CHEK2: variants seen among roughly 807,000 people sequenced by gnomAD.
CHEK2 encodes the protein serine/threonine-protein kinase Chk2.
In CHEK2, 71 loss-of-function variants were observed where a neutral mutation model predicts 69.1. That is an observed-to-expected ratio of 1.03 (90% CI 0.85 to 1.25). The LOEUF (loss-of-function observed/expected upper bound fraction) is 1.25, where lower values mean the gene tolerates loss of function less well. Ranked by LOEUF, CHEK2 falls within the 50% of genes most tolerant of loss-of-function variation. The pLI is 0.00. For synonymous variants in CHEK2, 189 were observed against 226.9 expected (o/e 0.83, Z 1.50); for missense variants, 664 against 649.6 (o/e 1.02, Z -0.24).
intron 4 of CHEK2, among the ~76,000 whole-genome samples, chr22:28,722,539 C>CAAAA (rs755107963): frequency 5.1e-3 from 342 of 67,364 alleles, no homozygotes; most frequent in African/African-American, 5.7e-3. Context: ...GACTCCGTCT[C>CAAAA]AAAAAAAAAA....
Position 28,734,470 on chromosome 22 carries a change from T to C in CHEK2, c.252A>G (p.Glu84=), listed in dbSNP as rs1805129. The C allele has an allele frequency of 0.03, 48,224 of 1,612,750 alleles. 1,029 individuals carry two copies. The highest frequency in any genetic ancestry group is 0.067 in the African/African-American group (4,994 of 74,688). The change falls in exon 2 of 15, where the codon GAA becomes GAG. Residue 84 remains glutamate, a synonymous_variant. Transcript: ENST00000404276. ...AGGGGGCAGGGGTAGGCTCCTCAGG[T>C]TCTTGGTCCTCAGGTTCTTGGTCCT... ...IPEDQEPEDQ[E]PEEPTPAPWA...
At chr22:28,696,216 G>A (rs546849451) in intron 10 of CHEK2, among the ~76,000 whole-genome samples, 16 of 152,224 alleles carry the variant, frequency 1.1e-4, no homozygotes, top group South Asian at 4.1e-4. Context: ...ACTTGGCTGC[G>A]CTATGGAATA....
chr22:28,738,755 C>T (rs1008871670), intron 1 of CHEK2, among the ~76,000 whole-genome samples: 2 of 152,054 alleles, frequency 1.3e-5, no homozygotes, highest in Non-Finnish European at 2.9e-5. Context: ...AGGGTTTTTA[C>T]GTAAGACCTC....
intron 4 of CHEK2, among the ~76,000 whole-genome samples, chr22:28,720,537 G>T (rs1661364473): frequency 6.6e-6 from 1 of 152,156 alleles, no homozygotes; most frequent in Non-Finnish European, 1.5e-5. Flanking sequence ...TGATAAATTT[G>T]CAATTGCCTA....
chr22:28,703,732 T>C (rs1394099615), intron 7 of CHEK2, among the ~76,000 whole-genome samples, 166 bp from the exon 8 acceptor site: 2 of 152,176 alleles, frequency 1.3e-5, no homozygotes, highest in African/African-American at 4.8e-5. Flanking sequence ...AGACAGAATC[T>C]AGCCAACTCC....
intron 2 of CHEK2, among the ~76,000 whole-genome samples, chr22:28,733,965 A>G (rs1312854733): frequency 2.0e-5 from 3 of 152,006 alleles, no homozygotes. Flanking sequence ...ACAAAAAAGG[A>G]AGAATTTGCA....
chr22:28,718,933 A>T (rs1019682527), intron 5 of CHEK2, among the ~76,000 whole-genome samples: 9 of 151,010 alleles, frequency 6.0e-5, no homozygotes, highest in Admixed American at 2.7e-4. Flanking sequence ...GGAAATAAAA[A>T]AAGAAATATT....
intron 7 of CHEK2, among the ~76,000 whole-genome samples, chr22:28,706,023 G>A (rs2053125574): frequency 6.6e-6 from 1 of 150,834 alleles, no homozygotes; most frequent in South Asian, 2.1e-4. Flanking sequence ...GCCAGGCACA[G>A]TGGCTCACGC....
At chr22:28,703,696 T>C in intron 7 of CHEK2, 130 bp from the exon 8 acceptor site, 2 of 667,012 alleles carry the variant, frequency 3.0e-6, no homozygotes, top group South Asian at 1.8e-5. Flanking sequence ...CCTCAGAGGC[T>C]TGGAAGTTCA....
At chr22:28,697,917 G>A (rs1485464567) in intron 9 of CHEK2, among the ~76,000 whole-genome samples, 3 of 151,328 alleles carry the variant, frequency 2.0e-5, no homozygotes, top group Non-Finnish European at 2.9e-5. Context: ...TCCACAAACT[G>A]TACTCAATTC....
At chr22:28,698,228 T>TA (rs398040472) in intron 9 of CHEK2, among the ~76,000 whole-genome samples, 11,828 of 81,860 alleles carry the variant, frequency 0.14, 1,357 homozygotes, top group African/African-American at 0.25. Flanking sequence ...CTATCTTTAC[T>TA]AAAAAAAAAA....
chr22:28,689,569 C>T (rs2052270853), intron 13 of CHEK2, among the ~76,000 whole-genome samples: 1 of 152,108 alleles, frequency 6.6e-6, no homozygotes, highest in Non-Finnish European at 1.5e-5. Flanking sequence ...CCGTGCAGCT[C>T]CTCAAATCCT....
At chr22:28,712,076 C>CT (rs1293646317) in intron 5 of CHEK2, 59 bp from the exon 6 acceptor site, 6 of 1,134,000 alleles carry the variant, frequency 5.3e-6, no homozygotes, top group Non-Finnish European at 6.6e-6. Flanking sequence ...AGACCTACCA[C>CT]TCCTGGGTCC....
intron 9 of CHEK2, among the ~76,000 whole-genome samples, chr22:28,699,113 T>C (rs2052712211): frequency 6.6e-6 from 1 of 151,950 alleles, no homozygotes; most frequent in Non-Finnish European, 1.5e-5. Context: ...CAAGCCGTCC[T>C]CCCAACTCAG....
At chr22:28,721,576 C>A in intron 4 of CHEK2, 1 of 454,892 alleles carries the variant, frequency 2.2e-6, no homozygotes, top group Non-Finnish European at 4.5e-6. Context: ...CGTGAGCCAC[C>A]GCGCCCCGCC....
intron 2 of CHEK2, among the ~76,000 whole-genome samples, chr22:28,731,233 T>A (rs1261272394): frequency 6.6e-6 from 1 of 150,534 alleles, no homozygotes; most frequent in South Asian, 2.1e-4. Context: ...CAAACAAAAA[T>A]TTAAAAAAAG....
intron 2 of CHEK2, chr22:28,728,124 T>C (rs1400598410): frequency 6.6e-6 from 1 of 152,000 alleles, no homozygotes; most frequent in African/African-American, 2.4e-5. Flanking sequence ...ACCCTATCTC[T>C]AGAAAGAAAA....
intron 2 of CHEK2, among the ~76,000 whole-genome samples, chr22:28,726,776 C>G (rs2054027040): frequency 7.0e-6 from 1 of 143,052 alleles, no homozygotes; most frequent in Non-Finnish European, 1.5e-5. Flanking sequence ...AGCATAAAAT[C>G]TGCACTCTTC....
At chr22:28,722,504 C>A (rs1363496470) in intron 4 of CHEK2, among the ~76,000 whole-genome samples, 1 of 134,508 alleles carries the variant, frequency 7.4e-6, no homozygotes, top group Non-Finnish European at 1.5e-5. Context: ...CATGCCACTG[C>A]ACTCCAGCCT....
Sources: gnomAD v4.1 joint callset for allele counts (sites outside exome capture counted in the v4.1 genomes callset) on GRCh38, gnomAD v4.1.1 for gene constraint, MANE v1.5 for transcripts, NCBI Gene and HGNC (gene_info 2026-07-23, HGNC 2026-07-21) for gene names.